Variants in KRTCAP3 observed in about 807,000 individuals in gnomAD.
KRTCAP3 encodes keratinocyte associated protein 3.
A neutral mutation model predicts 20.5 loss-of-function variants in KRTCAP3; 18 were observed. The ratio of observed to expected loss-of-function variants is 0.88; its 90% CI spans 0.61 to 1.31. KRTCAP3 has a LOEUF of 1.31. KRTCAP3 is among the 50% of genes most tolerant of loss of function. KRTCAP3 has a pLI of 0.00. For missense variants in KRTCAP3, 347 were observed against 310.4 expected (o/e 1.12, Z -0.89); for synonymous variants, 167 against 133.7 (o/e 1.25, Z -1.72).
At chr2:27,446,073 A>T, downstream of KRTCAP3, 1 of 1,533,216 alleles carries the variant, frequency 6.5e-7, no homozygotes, top group South Asian at 1.1e-5. Context: ...AATGGGAGTG[A>T]GCAAGCTGGG....
chr2:27,444,139 C>G (rs1015839474), intron 6 of KRTCAP3, 47 bp from the exon 7 acceptor site: 1 of 871,212 alleles, frequency 1.1e-6, no homozygotes, highest in Admixed American at 2.0e-5. Context: ...TAGGTCTTGC[C>G]ATGCTGCTTT....
downstream of KRTCAP3, chr2:27,446,173 C>T (rs141196620): frequency 7.2e-5 from 102 of 1,417,994 alleles, no homozygotes; most frequent in African/African-American, 1.1e-3. Flanking sequence ...CTACACTCAG[C>T]TTTCCTCTAC....
At chr2:27,445,651 AG>A, downstream of KRTCAP3, 2 of 1,466,090 alleles carry the variant, frequency 1.4e-6, no homozygotes, top group Non-Finnish European at 1.9e-6. The surrounding 1 kb of genome is among the most constrained non-coding windows in gnomAD (Gnocchi z 4.4). Context: ...GTGAGGGCTG[AG>A]GTCCTTCCAA....
At chr2:27,446,184 C>CA, downstream of KRTCAP3, 1 of 1,463,930 alleles carries the variant, frequency 6.8e-7, no homozygotes, top group South Asian at 1.2e-5. Flanking sequence ...TTTCCTCTAC[C>CA]AGAGCAGAAG....
intron 4 of KRTCAP3, 40 bp from the exon 5 acceptor site, chr2:27,443,358 G>A: frequency 6.2e-7 from 1 of 1,613,864 alleles, no homozygotes; most frequent in Non-Finnish European, 8.5e-7. Context: ...TGCTGCACTT[G>A]CCCTACTCCC....
downstream of KRTCAP3, chr2:27,445,827 G>A: frequency 6.2e-7 from 1 of 1,614,164 alleles, no homozygotes. This position sits in a 1 kb window ranked among gnomAD's most constrained non-coding sequence, Gnocchi z 4.4. Context: ...GCCATCTAGA[G>A]TCCCTTCCTC....
chr2:27,445,232 T>TAA, downstream of KRTCAP3: 1 of 1,583,120 alleles, frequency 6.3e-7, no homozygotes, highest in African/African-American at 1.4e-5. The surrounding 1 kb of genome is among the most constrained non-coding windows in gnomAD (Gnocchi z 4.4). Flanking sequence ...CTAGTAAAAT[T>TAA]AAGTTTATTG....
At chr2:27,442,545 C>G (rs1664667339) in intron 1 of KRTCAP3, 34 bp from the exon 2 acceptor site, 1 of 1,533,376 alleles carries the variant, frequency 6.5e-7, no homozygotes, top group Non-Finnish European at 8.8e-7. Flanking sequence ...CCCTCCCCGC[C>G]CGACTCAACC....
chr2:27,443,600 C>T lies in KRTCAP3; in HGVS notation c.615+68C>T, dbSNP rs903254306. ...CTGTGTTGAAAAGATGCTGACCGGC[C>T]GGGTGCGGAGGCTCACACCTGTAAT... On this transcript the variant is annotated intron_variant, in intron 5 of 6. Coordinates refer to ENST00000288873, the MANE Select transcript of KRTCAP3 (RefSeq NM_173853.4). 3.5e-5 allele frequency: 55 copies of T among 1,566,772 alleles called. 1 individual carries two copies. The highest frequency in any genetic ancestry group is 5.4e-5 in the African/African-American group (4 of 74,084).
At chr2:27,445,285 G>GA (rs1664957106), downstream of KRTCAP3, 1 of 1,605,514 alleles carries the variant, frequency 6.2e-7, no homozygotes, top group Middle Eastern at 1.7e-4. This position sits in a 1 kb window ranked among gnomAD's most constrained non-coding sequence, Gnocchi z 4.4. Context: ...GGGTGCTGTA[G>GA]GCTTCTATAC....
At chr2:27,445,430 A>G (rs753562959), downstream of KRTCAP3, 39 of 1,611,202 alleles carry the variant, frequency 2.4e-5, no homozygotes, top group Non-Finnish European at 3.3e-5. The surrounding 1 kb of genome is among the most constrained non-coding windows in gnomAD (Gnocchi z 4.4). Flanking sequence ...CCAGTCTCGA[A>G]CCTCTTCTCT....
At chr2:27,445,774 C>T, downstream of KRTCAP3, 2 of 1,614,144 alleles carry the variant, frequency 1.2e-6, no homozygotes, top group African/African-American at 1.3e-5. This position sits in a 1 kb window ranked among gnomAD's most constrained non-coding sequence, Gnocchi z 4.4. Context: ...GGGAGTGGCA[C>T]CTCAAAGGGA....
At chr2:27,445,483 A>G, downstream of KRTCAP3, 1 of 1,597,610 alleles carries the variant, frequency 6.3e-7, no homozygotes, top group African/African-American at 1.3e-5. This position sits in a 1 kb window ranked among gnomAD's most constrained non-coding sequence, Gnocchi z 4.4. Context: ...GTAGCTTCAC[A>G]CAGGGCAGGG....
In KRTCAP3 at chr2:27,443,547, C is replaced by G. The variant is rs1179164059; in HGVS notation, c.615+15C>G. 1.2e-6 allele frequency: 2 copies of G among 1,613,730 alleles called. No individual in the cohort carries two copies. The highest frequency in any genetic ancestry group is 2.7e-5 in the African/African-American group (2 of 75,012). Reference sequence around the variant, plus strand: ...TTCAGGGGCAGGTAAGGAAGGCAAACAGGAAGGGTTCATTCCACAGAGACT... The same window carrying G: ...TTCAGGGGCAGGTAAGGAAGGCAAAGAGGAAGGGTTCATTCCACAGAGACT... On this transcript the variant is annotated intron_variant, in intron 5 of 6. Coordinates refer to ENST00000288873, the MANE Select transcript of KRTCAP3 (RefSeq NM_173853.4).
In KRTCAP3 at chr2:27,443,298, C is replaced by CTTCT; in HGVS notation, c.480+20_480+23dup. 6.2e-7 allele frequency: 1 copy of CTTCT among 1,613,466 alleles called. No individual in the cohort carries two copies. The highest frequency in any genetic ancestry group is 1.1e-5 in the South Asian group (1 of 90,830). On this transcript the variant is annotated intron_variant, in intron 4 of 6. Coordinates refer to ENST00000288873, the MANE Select transcript of KRTCAP3 (RefSeq NM_173853.4). ...GAATCTATGTGAGCACATTCTCTTC[C>CTTCT]TTCTTGTGGTCTACAAAGCCTTGGT...
intron 1 of KRTCAP3, 24 bp from the exon 2 acceptor site, chr2:27,442,555 C>G: frequency 6.5e-7 from 1 of 1,530,942 alleles, no homozygotes; most frequent in Non-Finnish European, 8.8e-7. Context: ...CCGACTCAAC[C>G]CTGCCCTCCC....
chr2:27,444,139 C>A, intron 6 of KRTCAP3, 47 bp from the exon 7 acceptor site: 1 of 871,330 alleles, frequency 1.1e-6, no homozygotes, highest in Non-Finnish European at 1.9e-6. Context: ...TAGGTCTTGC[C>A]ATGCTGCTTT....
intron 6 of KRTCAP3, 58 bp from the exon 7 acceptor site, chr2:27,444,128 C>T: frequency 1.1e-6 from 1 of 943,532 alleles, no homozygotes; most frequent in Non-Finnish European, 1.7e-6. Flanking sequence ...AGAACTGGGT[C>T]TAGGTCTTGC....
downstream of KRTCAP3, chr2:27,445,181 G>T: frequency 3.1e-6 from 5 of 1,597,110 alleles, no homozygotes; most frequent in Non-Finnish European, 4.3e-6. This position sits in a 1 kb window ranked among gnomAD's most constrained non-coding sequence, Gnocchi z 4.4. Flanking sequence ...AGCCTGGGGG[G>T]TAGAAAGCAC....
Sources: gnomAD v4.1 joint callset for allele counts on GRCh38, gnomAD v4.1.1 for gene constraint, Gnocchi (gnomAD v3.1) non-coding constraint, MANE v1.5 for transcripts, NCBI Gene and HGNC (gene_info 2026-07-23, HGNC 2026-07-21) for gene names.